The following HTR1F variants were observed in gnomAD, a reference collection of about 807,000 sequenced individuals.
HTR1F encodes the protein 5-hydroxytryptamine receptor 1F.
In HTR1F, 17 loss-of-function variants were observed where a neutral mutation model predicts 24.0. That is an observed-to-expected ratio of 0.71 (90% CI 0.48 to 1.06). HTR1F has a LOEUF of 1.06. Ranked by LOEUF, HTR1F falls within the 50% of genes least tolerant of loss-of-function variation. The pLI, the probability that HTR1F is intolerant of heterozygous loss-of-function variation, is 0.00. For missense variants in HTR1F, 391 were observed against 427.8 expected (o/e 0.91, Z 0.76); for synonymous variants, 186 against 156.8 (o/e 1.19, Z -1.39).
intron 2 of HTR1F, among the ~76,000 whole-genome samples, chr3:87,840,212 T>G (rs1200858767): frequency 6.6e-6 from 1 of 152,200 alleles, no homozygotes; most frequent in South Asian, 2.1e-4. Flanking sequence ...ATTTCTTTTT[T>G]GCTTGTTGAC....
At chr3:87,826,155 C>G (rs1704457816) in intron 2 of HTR1F, among the ~76,000 whole-genome samples, 1 of 152,214 alleles carries the variant, frequency 6.6e-6, no homozygotes, top group Admixed American at 6.5e-5. Context: ...GCATGCTTTC[C>G]TAGTTCTCCT....
At chr3:87,814,302 T>C (rs1269782794) in intron 1 of HTR1F, among the ~76,000 whole-genome samples, 5 of 152,164 alleles carry the variant, frequency 3.3e-5, no homozygotes, top group Non-Finnish European at 7.4e-5. Context: ...ATATATATGG[T>C]GTGGAACATG....
At chr3:87,872,459 AG>A (rs1575970621) in intron 2 of HTR1F, among the ~76,000 whole-genome samples, 1 of 152,066 alleles carries the variant, frequency 6.6e-6, no homozygotes, top group African/African-American at 2.4e-5. Context: ...GAATAGAAAA[AG>A]TGATACAAAA....
At chr3:87,896,894 A>C (rs1559622770) in intron 2 of HTR1F, among the ~76,000 whole-genome samples, 1 of 152,178 alleles carries the variant, frequency 6.6e-6, no homozygotes, top group African/African-American at 2.4e-5. Context: ...AGCTGTTATC[A>C]AAAAGACAAG....
chr3:87,839,467 T>C (rs1326013506), intron 2 of HTR1F, among the ~76,000 whole-genome samples: 5 of 152,184 alleles, frequency 3.3e-5, no homozygotes, highest in South Asian at 4.1e-4. Flanking sequence ...GGCTTTGTAA[T>C]ATATTTTCAT....
chr3:87,931,197 C>G (rs185030144), intron 2 of HTR1F, among the ~76,000 whole-genome samples: 1 of 152,130 alleles, frequency 6.6e-6, no homozygotes, highest in Admixed American at 6.6e-5. Flanking sequence ...ATCACTCCCC[C>G]CTCCCCCAAC....
chr3:87,827,184 T>C (rs1704482878), intron 2 of HTR1F, among the ~76,000 whole-genome samples: 1 of 151,762 alleles, frequency 6.6e-6, no homozygotes, highest in Non-Finnish European at 1.5e-5. Flanking sequence ...GTTCATTACA[T>C]AGGTATATGT....
intron 2 of HTR1F, among the ~76,000 whole-genome samples, chr3:87,957,282 ACT>A (rs569876448): frequency 9.6e-4 from 145 of 151,384 alleles, no homozygotes; most frequent in African/African-American, 3.4e-3. Context: ...TCTTAAGGTA[ACT>A]CTGCATTCCT....
chr3:87,886,965 G>GA (rs1251017838), intron 2 of HTR1F, among the ~76,000 whole-genome samples: 1 of 152,090 alleles, frequency 6.6e-6, no homozygotes, highest in Non-Finnish European at 1.5e-5. Flanking sequence ...CACAGAATTG[G>GA]AAAAAACTAC....
intron 2 of HTR1F, among the ~76,000 whole-genome samples, chr3:87,937,679 T>C (rs1704458229): frequency 6.6e-6 from 1 of 151,912 alleles, no homozygotes; most frequent in Non-Finnish European, 1.5e-5. Flanking sequence ...ATCCCAGCAC[T>C]TTGGGAGGAT....
intron 2 of HTR1F, among the ~76,000 whole-genome samples, chr3:87,923,843 C>T (rs1456041874): frequency 1.3e-5 from 2 of 151,658 alleles, no homozygotes; most frequent in Non-Finnish European, 2.9e-5. Flanking sequence ...GGGATATATC[C>T]AATTTGATCA....
At chr3:87,989,833 T>A (rs1158548638) in intron 2 of HTR1F, among the ~76,000 whole-genome samples, 1 of 152,182 alleles carries the variant, frequency 6.6e-6, no homozygotes, top group East Asian at 1.9e-4. Flanking sequence ...AAAGAGAGTT[T>A]TTATTTCTGT....
intron 2 of HTR1F, among the ~76,000 whole-genome samples, chr3:87,889,007 T>C (rs533589434): frequency 2.0e-5 from 3 of 152,286 alleles, no homozygotes; most frequent in Non-Finnish European, 4.4e-5. Flanking sequence ...CCTTCACGAA[T>C]AGATTAATGC....
In HTR1F at chr3:87,794,723, G is replaced by A. The variant is rs181088352; in HGVS notation, c.-160+1881G>A. On this transcript the variant is annotated intron_variant, in intron 1 of 2. Coordinates refer to ENST00000319595, the MANE Select transcript of HTR1F (RefSeq NM_001322209.2). ...TGGAATGAGGACTTTAAAGAATAAT[G>A]CACTTTCTGCCATCTTGCCGCATTA... Among the ~76,000 whole-genome samples the A allele has an allele frequency of 3.5e-4, 54 of 152,212 alleles. 1 individual carries two copies. Among genetic ancestry groups the A allele is most frequent in the Admixed American group, 3.5e-3 (54 of 15,290 alleles).
chr3:87,854,227 A>C (rs1306826818), intron 2 of HTR1F, among the ~76,000 whole-genome samples: 1 of 151,960 alleles, frequency 6.6e-6, no homozygotes, highest in Non-Finnish European at 1.5e-5. Flanking sequence ...GTTTCTATTT[A>C]AAAGAATTAC....
At chr3:87,974,931 G>C (rs2107501662) in intron 2 of HTR1F, among the ~76,000 whole-genome samples, 1 of 152,228 alleles carries the variant, frequency 6.6e-6, no homozygotes, top group South Asian at 2.1e-4. Flanking sequence ...TCAGATGACA[G>C]TTCAGATTTG....
intron 2 of HTR1F, among the ~76,000 whole-genome samples, chr3:87,897,546 G>A (rs879786371): frequency 1.3e-5 from 2 of 151,912 alleles, no homozygotes; most frequent in Admixed American, 6.6e-5. Flanking sequence ...TAGCTTATTC[G>A]TTTTGAGCTT....
intron 1 of HTR1F, among the ~76,000 whole-genome samples, 125 bp downstream of exon 1, chr3:87,792,967 C>A (rs963318540): frequency 2.6e-5 from 4 of 152,224 alleles, no homozygotes; most frequent in Non-Finnish European, 4.4e-5. Context: ...TCGGCGGAAA[C>A]GCTGGGAAGC....
chr3:87,951,990 A>C (rs1704844498), intron 2 of HTR1F, among the ~76,000 whole-genome samples: 1 of 151,902 alleles, frequency 6.6e-6, no homozygotes, highest in African/African-American at 2.4e-5. Context: ...TTGTCTTTTC[A>C]TGACTTGATA....
Sources: allele counts gnomAD v4.1 joint callset (sites outside exome capture counted in the v4.1 genomes callset), GRCh38; gene constraint gnomAD v4.1.1; transcripts MANE v1.5; gene names NCBI Gene and HGNC (gene_info 2026-07-23, HGNC 2026-07-21).